UGT2B28: variants seen among roughly 807,000 people sequenced by gnomAD.
The protein encoded by UGT2B28 is UDP-glucuronosyltransferase 2B28.
Under a neutral mutation model 43.6 loss-of-function variants are expected in UGT2B28, and 45 were observed. That is an observed-to-expected ratio of 1.03 (90% CI 0.81 to 1.32). The LOEUF (loss-of-function observed/expected upper bound fraction) is 1.32. Ranked by LOEUF, UGT2B28 falls within the 40% of genes most tolerant of loss-of-function variation. UGT2B28 has a pLI of 0.00. For synonymous variants in UGT2B28, 204 were observed against 208.1 expected, an observed-to-expected ratio of 0.98 and a Z score of 0.17; for missense variants, 649 against 625.5, an observed-to-expected ratio of 1.04 and a Z score of -0.40.
Position 69,286,823 on chromosome 4 carries a change from T to C in UGT2B28, c.942T>C (p.Ser314=). The change falls in exon 3 of 6, where the codon AGT becomes AGC. Residue 314 remains serine (S), a synonymous_variant. Transcript: ENST00000335568. ...TGTTTTCTCTGGGGTCAGTGATAAG[T>C]AACATGACAGCAGAAAGGGCCAACG... ...VVVFSLGSVI[S]NMTAERANVI... is the part of the protein sequence containing the mutation. 6.4e-7 allele frequency: 1 copy of C among 1,556,744 alleles called. No individual in the cohort carries two copies. The highest frequency in any genetic ancestry group is 8.7e-7 in the Non-Finnish European group (1 of 1,154,552).
In UGT2B28 at chr4:69,290,518, C is replaced by T. The variant is rs976378810; in HGVS notation, c.1091-74C>T. ...TAATGTGTTATCTAGAAAACACTGT[C>T]ACTTTCAGAGCATTTCATTGTGTAT... On this transcript the variant is annotated intron_variant, in intron 4 of 5. Coordinates refer to ENST00000335568, the MANE Select transcript of UGT2B28 (RefSeq NM_053039.2). The T allele has an allele frequency of 4.8e-5, 73 of 1,505,636 alleles. 8 individuals carry two copies. Among genetic ancestry groups the T allele is most frequent in the Non-Finnish European group, 6.3e-5 (70 of 1,115,282 alleles). The allele number at this position is 1,505,636 out of a possible 1,614,324, so 93.3% of individuals were successfully genotyped here.
Position 69,281,125 on chromosome 4 carries a change from G to A in UGT2B28, c.625G>A (p.Glu209Lys), listed in dbSNP as rs1723594835. ...SKLSDQMTFM[E>K]RVKNMIYVLY... Reference sequence around the variant, plus strand: ...ATTAAGTGATCAAATGACTTTCATGGAGAGGGTAAAAAACATGATCTATGT... The same window carrying A: ...ATTAAGTGATCAAATGACTTTCATGAAGAGGGTAAAAAACATGATCTATGT... The change falls in exon 1 of 6, where the codon GAG becomes AAG. Residue 209 changes from glutamate (E) to lysine (K), a missense_variant. By Grantham distance (56) the Glu-to-Lys change is moderately conservative (BLOSUM62 1). Coordinates refer to ENST00000335568, the MANE Select transcript of UGT2B28 (RefSeq NM_053039.2). 6.4e-7 allele frequency: 1 copy of A among 1,558,526 alleles called. No individual in the cohort carries two copies. The highest frequency in any genetic ancestry group is 8.7e-7 in the Non-Finnish European group (1 of 1,155,050).
Position 69,283,840 on chromosome 4 carries a change from G to T in UGT2B28, c.870+1178G>T, listed in dbSNP as rs376741255. Among the ~76,000 whole-genome samples the T allele has an allele frequency of 8.6e-5, 12 of 140,070 alleles. 3 individuals are homozygous for T. Among genetic ancestry groups the T allele is most frequent in the African/African-American group, 3.3e-4 (12 of 35,836 alleles). 91.9% of individuals were successfully genotyped at this position (140,070 alleles called of 152,430 possible). A position where few individuals can be genotyped will look rare whatever the true frequency, so the allele number is the denominator to read the frequency against. On this transcript the variant is annotated intron_variant, in intron 2 of 5. Transcript: ENST00000335568. ...AGTCATATATGACAGATACCCTGTG[G>T]ACTTGATTAAAATTAGACATATCAA... is the stretch of plus-strand genomic sequence containing the variant.
rs754859998 is a variant in UGT2B28 at position 69,282,633 on chromosome 4, C to T, written c.841C>T (p.His281Tyr). 1.3e-6 allele frequency: 2 copies of T among 1,551,732 alleles called. No individual in the cohort carries two copies. The highest frequency in any genetic ancestry group is 4.6e-5 in the East Asian group (2 of 43,158). Residue 281 changes from histidine (H) to tyrosine (Y), a missense_variant, in exon 2 of 6, where the codon CAC (histidine) becomes TAC (tyrosine). By Grantham distance (83) the His-to-Tyr change is moderately conservative. Transcript: ENST00000335568. Reference protein sequence around the residue: ...LPNIDFVGGLHCKPAKPLPKE... With the variant: ...LPNIDFVGGLYCKPAKPLPKE... ...AAACATTGATTTTGTTGGAGGACTC[C>T]ACTGCAAACCTGCCAAACCCCTACC...
rs1456482628 is a variant in UGT2B28 at position 69,282,231 on chromosome 4, T to A, written c.722-283T>A. ...AAGAGAAAATAAATTGATGTTTAAT[T>A]TTCTATGACTTATTTTAATAATTGT... On this transcript the variant is annotated intron_variant, in intron 1 of 5. Transcript: ENST00000335568. Among the ~76,000 whole-genome samples the A allele has an allele frequency of 2.9e-5, 4 of 139,914 alleles. 1 individual carries two copies. Among genetic ancestry groups the A allele is most frequent in the Non-Finnish European group, 6.1e-5 (4 of 65,536 alleles). 91.8% of individuals were successfully genotyped at this position (139,914 alleles called of 152,430 possible).
chr4:69,286,847 C>T lies in UGT2B28; in HGVS notation c.966C>T (p.Asn322=), dbSNP rs112419119. ...GTAACATGACAGCAGAAAGGGCCAA[C>T]GTAATTGCAACAGCCCTTGCCAAGA... The part of the protein sequence containing the change: ...VISNMTAERA[N]VIATALAKIP... The change falls in exon 3 of 6, where the codon AAC becomes AAT. Residue 322 remains asparagine, a synonymous_variant. Coordinates refer to ENST00000335568, the MANE Select transcript of UGT2B28 (RefSeq NM_053039.2). 4,127 of 1,555,888 alleles carry T rather than the reference C, an allele frequency of 2.7e-3. 921 individuals are homozygous for T. In the African/African-American group the frequency reaches 0.049, roughly 19 times the overall value.
chr4:69,292,264 A>G (rs1577997718), intron 5 of UGT2B28, among the ~76,000 whole-genome samples: 1 of 140,374 alleles, frequency 7.1e-6, no homozygotes. Flanking sequence ...AATGTGAAAA[A>G]TTCCTTGCGG....
rs1220852442 is a variant in UGT2B28, at chr4:69,290,840, G to A, written c.1310+29G>A. 3.2e-6 allele frequency: 5 copies of A among 1,541,576 alleles called. 1 individual carries two copies. Among genetic ancestry groups the A allele is most frequent in the Middle Eastern group, 1.7e-4 (1 of 5,788 alleles). On this transcript the variant is annotated intron_variant, in intron 5 of 5. Coordinates refer to ENST00000335568, the MANE Select transcript of UGT2B28 (RefSeq NM_053039.2). Reference sequence around the variant, plus strand: ...AGTAGAACAGTATTTTTCACTAGGTGGTATTTGTAGATAGCTTCTCTTTTC... The same window carrying A: ...AGTAGAACAGTATTTTTCACTAGGTAGTATTTGTAGATAGCTTCTCTTTTC...
In UGT2B28 at chr4:69,280,890, A is replaced by C. The variant is rs771365917; in HGVS notation, c.390A>C (p.Val130=). The C allele has an allele frequency of 3.2e-6, 5 of 1,557,812 alleles. 1 individual carries two copies. Among genetic ancestry groups the C allele is most frequent in the Non-Finnish European group, 4.3e-6 (5 of 1,155,136 alleles). The part of the protein sequence containing the change: ...HDIFRNFCKD[V]VSNKKVMKKL... ...TATTTAGAAACTTCTGTAAAGATGT[A>C]GTTTCAAATAAGAAAGTTATGAAAA... The change falls in exon 1 of 6, where the codon GTA becomes GTC. Residue 130 remains valine (V), a synonymous_variant. Coordinates refer to ENST00000335568, the MANE Select transcript of UGT2B28 (RefSeq NM_053039.2).
chr4:69,294,471 G>A, intron 5 of UGT2B28, 59 bp from the exon 6 acceptor site: 3 of 1,403,978 alleles, frequency 2.1e-6, no homozygotes, highest in Non-Finnish European at 2.8e-6. Context: ...TCATAGACTT[G>A]ATACATACAG....
chr4:69,283,424 T>A (rs1449803325), intron 2 of UGT2B28, among the ~76,000 whole-genome samples: 1 of 140,134 alleles, frequency 7.1e-6, no homozygotes, highest in Non-Finnish European at 1.5e-5. Flanking sequence ...TTCTCTTTTT[T>A]AAGAAGAGCC....
intron 2 of UGT2B28, among the ~76,000 whole-genome samples, chr4:69,285,181 A>AG (rs1432513723): frequency 7.1e-6 from 1 of 140,026 alleles, no homozygotes; most frequent in Non-Finnish European, 1.5e-5. Flanking sequence ...AATTTTCTAA[A>AG]TAAGTGTCAC....
intron 2 of UGT2B28, among the ~76,000 whole-genome samples, chr4:69,283,209 C>A (rs1308064111): frequency 2.9e-5 from 4 of 138,242 alleles, no homozygotes; most frequent in Non-Finnish European, 6.1e-5. Flanking sequence ...AAAAGAATGG[C>A]GGGGAGAGGC....
chr4:69,281,009 A>G lies in UGT2B28; in HGVS notation c.509A>G (p.Tyr170Cys). Residue 170 changes from tyrosine (Y) to cysteine (C), a missense_variant, in exon 1 of 6, where the codon TAC becomes TGC. Coordinates refer to ENST00000335568, the MANE Select transcript of UGT2B28 (RefSeq NM_053039.2). ...LAALLNIPFV[Y>C]SLCFTPGYTI... ...GCGCTACTTAACATACCGTTTGTGT[A>G]CAGTCTCTGCTTCACTCCTGGCTAC... The G allele has an allele frequency of 3.2e-6, 5 of 1,559,830 alleles. 1 individual carries two copies. Among genetic ancestry groups the G allele is most frequent in the Non-Finnish European group, 4.3e-6 (5 of 1,155,476 alleles).
intron 2 of UGT2B28, among the ~76,000 whole-genome samples, chr4:69,285,254 AAAT>A (rs1723736753): frequency 7.1e-6 from 1 of 140,786 alleles, no homozygotes; most frequent in African/African-American, 2.8e-5. Context: ...TATTTTCTAT[AAAT>A]AATATCTCTA....
chr4:69,286,771 A>G lies in UGT2B28; in HGVS notation c.890A>G (p.Gln297Arg). 1 of 1,555,282 alleles carries G rather than the reference A, an allele frequency of 6.4e-7. No homozygotes were observed. ...TCACAGGAAATGGAGGAATTTGTAC[A>G]GAGCTCTGGTGAAAATGGTGTTGTG... ...PLPKEMEEFV[Q>R]SSGENGVVVF... Residue 297 changes from glutamine (Q) to arginine (R), a missense_variant, in exon 3 of 6, where the codon CAG (glutamine) becomes CGG (arginine). Gln to Arg is a conservative substitution (Grantham distance 43). Coordinates refer to ENST00000335568, the MANE Select transcript of UGT2B28 (RefSeq NM_053039.2).
chr4:69,282,653 C>T lies in UGT2B28; in HGVS notation c.861C>T (p.Pro287=). The change falls in exon 2 of 6, where the codon CCC becomes CCT. Residue 287 remains proline (P), a synonymous_variant. Transcript: ENST00000335568. ...GACTCCACTGCAAACCTGCCAAACC[C>T]CTACCTAAGGTAAACATACTTTCGT... The part of the protein sequence containing the change: ...VGGLHCKPAK[P]LPKEMEEFVQ... 2 of 1,549,246 alleles carry T rather than the reference C, an allele frequency of 1.3e-6. No homozygotes were observed. Among genetic ancestry groups the T allele is most frequent in the Non-Finnish European group, 1.7e-6 (2 of 1,151,776 alleles).
Position 69,286,585 on chromosome 4 carries a change from A to T in UGT2B28, c.871-167A>T, listed in dbSNP as rs549590658. On this transcript the variant is annotated intron_variant, in intron 2 of 5. Coordinates refer to ENST00000335568, the MANE Select transcript of UGT2B28 (RefSeq NM_053039.2). ...TCCTTAACAGAGGCCAACTACCTCA[A>T]ACATCTTCTTGTAAAGAACCTGAGT... is the stretch of plus-strand genomic sequence containing the variant. Among the ~76,000 whole-genome samples, 126 of 140,408 alleles carry T rather than the reference A, an allele frequency of 9.0e-4. 20 individuals carry two copies. The highest frequency in any genetic ancestry group is 6.8e-4 in the Non-Finnish European group (45 of 65,812). 92.1% of individuals were successfully genotyped at this position (140,408 alleles called of 152,430 possible).
chr4:69,281,132 T>C lies in UGT2B28; in HGVS notation c.632T>C (p.Val211Ala), dbSNP rs767885815. The change falls in exon 1 of 6, where the codon GTA (valine) becomes GCA (alanine). Residue 211 changes from valine to alanine, a missense_variant. Coordinates refer to ENST00000335568, the MANE Select transcript of UGT2B28 (RefSeq NM_053039.2). ...LSDQMTFMER[V>A]KNMIYVLYFD... ...GATCAAATGACTTTCATGGAGAGGG[T>C]AAAAAACATGATCTATGTGCTTTAT... 1.2e-5 allele frequency: 19 copies of C among 1,557,788 alleles called. 1 individual carries two copies. Among genetic ancestry groups the C allele is most frequent in the Non-Finnish European group, 1.6e-5 (19 of 1,154,900 alleles).
Sources: gnomAD v4.1 joint callset for allele counts (sites outside exome capture counted in the v4.1 genomes callset) on GRCh38, gnomAD v4.1.1 for gene constraint, MANE v1.5 for transcripts, NCBI Gene and HGNC (gene_info 2026-07-23, HGNC 2026-07-21) for gene names.